C10orf67: variants seen among roughly 807,000 people sequenced by gnomAD.
C10orf67 encodes the protein chromosome 10 open reading frame 67.
Under a neutral mutation model 35.6 loss-of-function variants are expected in C10orf67, and 60 were observed. The ratio of observed to expected loss-of-function variants is 1.68; its 90% CI spans 1.37 to 2.09. The LOEUF (loss-of-function observed/expected upper bound fraction) is 2.09, where lower values mean the gene tolerates loss of function less well. Among genes scored for constraint, C10orf67 ranks in the 30% most tolerant of loss-of-function variants. The pLI, the probability that C10orf67 is intolerant of heterozygous loss-of-function variation, is 0.00. For missense variants in C10orf67, 474 were observed against 330.2 expected (o/e 1.44, Z -3.38); for synonymous variants, 167 against 115.8 (o/e 1.44, Z -2.84).
At chr10:23,344,032 CG>C in intron 1 of C10orf67, 1 of 387,000 alleles carries the variant, frequency 2.6e-6, no homozygotes, top group Non-Finnish European at 5.5e-6. Flanking sequence ...CCCGCGGAGC[CG>C]CTCGCTCTCC....
At chr10:23,241,727 T>C (rs1842183900) in intron 12 of C10orf67, among the ~76,000 whole-genome samples, 3 of 152,138 alleles carry the variant, frequency 2.0e-5, no homozygotes, top group African/African-American at 7.2e-5. Context: ...GAAGCAGAAA[T>C]AATACATGGA....
In C10orf67 at chr10:23,286,800, C is replaced by A. The variant is rs1221945704; in HGVS notation, c.909+3100G>T. Among the ~76,000 whole-genome samples, 7 of 152,062 alleles carry A rather than the reference C, an allele frequency of 4.6e-5. No homozygotes were observed. The East Asian group carries it at 9.6e-4, about 21-fold the overall frequency. Reference sequence around the variant, plus strand: ...AATGGAATTTACATTATTGTCACTGCAAATAGGGTGAAGCCTAAGAAAATG... The same window carrying A: ...AATGGAATTTACATTATTGTCACTGAAAATAGGGTGAAGCCTAAGAAAATG... On this transcript the variant is annotated intron_variant, in intron 7 of 15. Transcript: ENST00000636213.
At chr10:23,278,973 C>T (rs1394776204) in intron 8 of C10orf67, among the ~76,000 whole-genome samples, 8 of 152,106 alleles carry the variant, frequency 5.3e-5, no homozygotes, top group East Asian at 1.9e-4. Flanking sequence ...GATTGTGGGT[C>T]GGTCGCAGCG....
chr10:23,336,791 G>A (rs1845700949), intron 1 of C10orf67, among the ~76,000 whole-genome samples: 1 of 152,110 alleles, frequency 6.6e-6, no homozygotes, highest in African/African-American at 2.4e-5. Flanking sequence ...GGGATTACAG[G>A]TGTGAGCCAC....
chr10:23,328,954 C>A, intron 2 of C10orf67, among the ~76,000 whole-genome samples: 1 of 135,178 alleles, frequency 7.4e-6, no homozygotes. Flanking sequence ...CACTACACTC[C>A]AGCCTGGGCA....
At position 23,223,588 on chromosome 10, in the gene C10orf67, T is replaced by C. The variant is rs1172496876; in HGVS notation, c.1570+10A>G. ...GTGTGAACCTCATTTCCAACAATAA[T>C]GATTCTTACCTTTTGGTGAAAGTTG... On this transcript the variant is annotated intron_variant, in intron 15 of 15. Coordinates refer to ENST00000636213, the MANE Select transcript of C10orf67 (RefSeq NM_001371909.1). The C allele has an allele frequency of 2.8e-6, 2 of 717,182 alleles. No homozygotes were observed. Among genetic ancestry groups the C allele is most frequent in the Non-Finnish European group, 5.2e-6 (2 of 384,888 alleles). 44.4% of individuals were successfully genotyped at this position (717,182 alleles called of 1,614,324 possible).
intron 12 of C10orf67, among the ~76,000 whole-genome samples, chr10:23,249,903 GA>G (rs901480373): frequency 1.3e-5 from 2 of 152,122 alleles, no homozygotes; most frequent in African/African-American, 4.8e-5. Flanking sequence ...TAGGGTAAGG[GA>G]AAAAATAAGC....
chr10:23,331,292 A>C lies in C10orf67; in HGVS notation c.327+1770T>G, dbSNP rs1277624431. ...AAGAGGGAAGGGAAGGGAAGGGAAG[A>C]GGGAAGGGAAGGGAAGAGGGAAGAG... On this transcript the variant is annotated intron_variant, in intron 2 of 15. Coordinates refer to ENST00000636213, the MANE Select transcript of C10orf67 (RefSeq NM_001371909.1). Among the ~76,000 whole-genome samples, 3 of 8,006 alleles carry C rather than the reference A, an allele frequency of 3.7e-4. 1 individual carries two copies. Among genetic ancestry groups the C allele is most frequent in the Admixed American group, 3.0e-3 (2 of 676 alleles). The allele number at this position is 8,006 out of a possible 152,430, so 5.3% of individuals were successfully genotyped here. A position where few individuals can be genotyped will look rare whatever the true frequency, so the allele number is the denominator to read the frequency against.
chr10:23,274,379 A>G (rs1843119150), intron 8 of C10orf67, among the ~76,000 whole-genome samples: 1 of 152,090 alleles, frequency 6.6e-6, no homozygotes, highest in African/African-American at 2.4e-5. Flanking sequence ...GGCGTATTTC[A>G]TCCCTTATCT....
chr10:23,249,305 A>G (rs983155909), intron 12 of C10orf67, among the ~76,000 whole-genome samples: 2 of 152,180 alleles, frequency 1.3e-5, no homozygotes, highest in African/African-American at 4.8e-5. Context: ...GAGATAATCC[A>G]AAACCTATTT....
At chr10:23,338,890 C>T (rs1845782340) in intron 1 of C10orf67, among the ~76,000 whole-genome samples, 1 of 152,132 alleles carries the variant, frequency 6.6e-6, no homozygotes, top group South Asian at 2.1e-4. Context: ...GGCATGGTGG[C>T]ACACACCTGC....
chr10:23,250,681 T>C lies in C10orf67; in HGVS notation c.1211A>G (p.Lys404Arg), dbSNP rs1842424602. ...TTCTATTTGAGACTCCAAACCATGT[T>C]TGTCTTCAACCTTTCAATAGAAAAT... ...LKEDQAVVED[K>R]HGLESQIEAL... The change falls in exon 11 of 16, where the codon AAA (lysine) becomes AGA (arginine). Residue 404 changes from lysine to arginine, a missense_variant. Physicochemically the swap from Lys to Arg is conservative, Grantham distance 26 (BLOSUM62 2). Coordinates refer to ENST00000636213, the MANE Select transcript of C10orf67 (RefSeq NM_001371909.1). 1 of 398,528 alleles carries C rather than the reference T, an allele frequency of 2.5e-6. No individual in the cohort carries two copies. Among genetic ancestry groups the C allele is most frequent in the African/African-American group, 2.1e-5 (1 of 48,616 alleles). The allele number at this position is 398,528 out of a possible 1,614,324, so 24.7% of individuals were successfully genotyped here. A position where few individuals can be genotyped will look rare whatever the true frequency, so the allele number is the denominator to read the frequency against.
At chr10:23,227,276 G>T (rs961764668) in intron 13 of C10orf67, among the ~76,000 whole-genome samples, 2 of 152,144 alleles carry the variant, frequency 1.3e-5, no homozygotes, top group Non-Finnish European at 2.9e-5. Flanking sequence ...TGCAAGGCTG[G>T]TTCAACATAT....
intron 13 of C10orf67, among the ~76,000 whole-genome samples, chr10:23,235,912 C>T (rs1051665459): frequency 6.6e-6 from 1 of 151,754 alleles, no homozygotes; most frequent in African/African-American, 2.4e-5. Flanking sequence ...GTCAGGAGTT[C>T]GAGACCAGCC....
chr10:23,249,174 T>C (rs1278029680), intron 12 of C10orf67, among the ~76,000 whole-genome samples: 1 of 146,146 alleles, frequency 6.8e-6, no homozygotes, highest in Non-Finnish European at 1.5e-5. Context: ...AACTGATACG[T>C]TCTTGTAAAT....
In C10orf67 at chr10:23,282,889, G is replaced by C. The variant is rs560852538; in HGVS notation, c.910-811C>G. ...AAACAATTGAACTTACGGAGATAGAGAGAAGACGGATGGTTACCAGATGCT... is the reference window on the plus strand; with the variant it reads ...AAACAATTGAACTTACGGAGATAGACAGAAGACGGATGGTTACCAGATGCT... On this transcript the variant is annotated intron_variant, in intron 7 of 15. Coordinates refer to ENST00000636213, the MANE Select transcript of C10orf67 (RefSeq NM_001371909.1). 2.0e-5 allele frequency among the ~76,000 whole-genome samples: 3 copies of C among 151,874 alleles called. 1 individual carries two copies. The South Asian group carries it at 6.3e-4, about 32-fold the overall frequency.
intron 15 of C10orf67, among the ~76,000 whole-genome samples, chr10:23,205,419 C>T (rs568970644): frequency 6.6e-6 from 1 of 152,270 alleles, no homozygotes; most frequent in Admixed American, 6.5e-5. Context: ...TCTGGATAAG[C>T]TTCGTGTATT....
At chr10:23,256,123 T>G (rs941961474) in intron 10 of C10orf67, among the ~76,000 whole-genome samples, 90 of 152,210 alleles carry the variant, frequency 5.9e-4, no homozygotes, top group African/African-American at 1.9e-3. Context: ...CACCTCCACC[T>G]CCCAAGTAAC....
At chr10:23,232,134 G>A (rs544588983) in intron 13 of C10orf67, among the ~76,000 whole-genome samples, 14 of 152,272 alleles carry the variant, frequency 9.2e-5, no homozygotes, top group East Asian at 1.9e-4. Flanking sequence ...GCGGGCATTC[G>A]TGTTATTATC....
Sources: gnomAD v4.1 joint callset for allele counts (sites outside exome capture counted in the v4.1 genomes callset) on GRCh38, gnomAD v4.1.1 for gene constraint, MANE v1.5 for transcripts, NCBI Gene and HGNC (gene_info 2026-07-23, HGNC 2026-07-21) for gene names.